Variants in MECOM observed in about 807,000 individuals in gnomAD.
MECOM encodes MDS1 and EVI1 complex locus, also known as histone-lysine N-methyltransferase MECOM.
A neutral mutation model predicts 116.3 loss-of-function variants in MECOM; 13 were observed. That is an observed-to-expected ratio of 0.11 (90% CI 0.07 to 0.18). The LOEUF (loss-of-function observed/expected upper bound fraction) is 0.18, where lower values mean the gene tolerates loss of function less well. Ranked by LOEUF, MECOM falls within the 10% of genes least tolerant of loss-of-function variation. MECOM has a pLI of 1.00. For synonymous variants in MECOM, 528 were observed against 535.2 expected, an observed-to-expected ratio of 0.99 and a Z score of 0.19; for missense variants, 1,299 against 1,509.0, an observed-to-expected ratio of 0.86 and a Z score of 2.31.
chr3:169,115,927 C>G lies in MECOM; in HGVS notation c.1945G>C (p.Glu649Gln). The G allele has an allele frequency of 6.2e-7, 1 of 1,614,106 alleles. No individual in the cohort carries two copies. The change falls in exon 8 of 17, where the codon GAG becomes CAG. Residue 649 changes from glutamate (E) to glutamine (Q), a missense_variant. Physicochemically the swap from Glu to Gln is conservative, Grantham distance 29. Transcript: ENST00000651503. ...SNHSIFSPSL[E>Q]EQTAVSGAVN... The stretch of plus-strand genomic sequence containing the variant: ...GCTCCTGACACCGCAGTCTGCTCCT[C>G]TAAAGATGGTGAGAAAATGGAATGA...
chr3:169,492,545 T>A (rs1457422433), intron 1 of MECOM, among the ~76,000 whole-genome samples: 1 of 152,118 alleles, frequency 6.6e-6, no homozygotes. Context: ...AGTCACAAAA[T>A]AATATTAAAG....
chr3:169,191,294 G>A (rs181477000), intron 2 of MECOM, among the ~76,000 whole-genome samples: 8 of 152,030 alleles, frequency 5.3e-5, no homozygotes, highest in Admixed American at 5.3e-4. Context: ...CTGCTGGTGG[G>A]TGCAGAAATA....
At chr3:169,480,343 A>C (rs1337149886) in intron 1 of MECOM, among the ~76,000 whole-genome samples, 1 of 135,688 alleles carries the variant, frequency 7.4e-6, no homozygotes, top group Non-Finnish European at 1.6e-5. Flanking sequence ...GTACTACTGG[A>C]GTACTTCCCA....
At chr3:169,520,301 G>A (rs762855925) in intron 1 of MECOM, among the ~76,000 whole-genome samples, 2 of 152,086 alleles carry the variant, frequency 1.3e-5, no homozygotes, top group African/African-American at 4.8e-5. Flanking sequence ...TTTGAATTGG[G>A]CATTTTTCTT....
chr3:169,459,205 G>A lies in MECOM; in HGVS notation c.38-77681C>T, dbSNP rs145459512. ...TGATGTTATAGTTGGATCCTAAACC[G>A]TAAACCTCAAACATAATTATTTTCT... is the stretch of plus-strand genomic sequence containing the variant. On this transcript the variant is annotated intron_variant, in intron 1 of 16. Transcript: ENST00000651503. 5.9e-5 allele frequency among the ~76,000 whole-genome samples: 9 copies of A among 152,298 alleles called. No individual in the cohort carries two copies. In the Middle Eastern group the frequency reaches 0.01, roughly 173 times the overall value.
At chr3:169,154,114 A>G (rs534361325) in intron 2 of MECOM, among the ~76,000 whole-genome samples, 3 of 152,100 alleles carry the variant, frequency 2.0e-5, no homozygotes, top group Non-Finnish European at 2.9e-5. Context: ...TCTGGCTTGC[A>G]GCTGAGTTTG....
chr3:169,544,149 A>C (rs534416278), intron 1 of MECOM, among the ~76,000 whole-genome samples: 3 of 152,308 alleles, frequency 2.0e-5, no homozygotes, highest in South Asian at 4.1e-4. Context: ...TTGATTGTAC[A>C]TAGTTTGACT....
At chr3:169,425,512 T>C (rs776744451) in intron 1 of MECOM, among the ~76,000 whole-genome samples, 52 of 152,188 alleles carry the variant, frequency 3.4e-4, no homozygotes, top group Non-Finnish European at 6.9e-4. Context: ...GACAACTCTA[T>C]GTAACATTTG....
At position 169,584,419 on chromosome 3, in the gene MECOM, G is replaced by T. The variant is rs548090956; in HGVS notation, c.37+78917C>A. On this transcript the variant is annotated intron_variant, in intron 1 of 16. Coordinates refer to ENST00000651503, the MANE Select transcript of MECOM (RefSeq NM_004991.4). The stretch of plus-strand genomic sequence containing the variant: ...TCTCTACTAAAAATACAAAAAATTA[G>T]CCGGGCGTGGTGGCGAGCGCCTGTA... 6.5e-4 allele frequency among the ~76,000 whole-genome samples: 99 copies of T among 151,720 alleles called. No homozygotes were observed. The Middle Eastern group carries it at 0.01, about 16-fold the overall frequency.
intron 1 of MECOM, among the ~76,000 whole-genome samples, chr3:169,522,390 C>T (rs1056644666): frequency 2.2e-4 from 33 of 152,230 alleles, no homozygotes; most frequent in African/African-American, 7.9e-4. Context: ...TTTTTGGAGG[C>T]ATGTGGAGTT....
chr3:169,476,623 TCACCTAAGCA>T (rs2108823519), intron 1 of MECOM, among the ~76,000 whole-genome samples: 1 of 152,252 alleles, frequency 6.6e-6, no homozygotes, highest in Non-Finnish European at 1.5e-5. Flanking sequence ...GTGTCGTTAG[TCACCTAAGCA>T]TGCCTCCCTT....
chr3:169,167,467 A>G (rs1233032801), intron 2 of MECOM, among the ~76,000 whole-genome samples: 2 of 152,218 alleles, frequency 1.3e-5, no homozygotes, highest in Admixed American at 6.5e-5. Flanking sequence ...AAGGTCCCGC[A>G]TGATGGAAGA....
intron 1 of MECOM, among the ~76,000 whole-genome samples, chr3:169,533,258 T>C (rs142276538): frequency 1.5e-3 from 230 of 152,272 alleles, no homozygotes; most frequent in African/African-American, 5.1e-3. Flanking sequence ...ATCAACTTTC[T>C]TTGTTTTATC....
At chr3:169,272,650 T>A (rs1759092492) in intron 2 of MECOM, among the ~76,000 whole-genome samples, 1 of 152,156 alleles carries the variant, frequency 6.6e-6, no homozygotes, top group Non-Finnish European at 1.5e-5. Context: ...TAGAAGCTGG[T>A]GTGGATGACG....
chr3:169,344,905 T>C (rs894470126), intron 2 of MECOM, among the ~76,000 whole-genome samples: 1 of 152,138 alleles, frequency 6.6e-6, no homozygotes, highest in Admixed American at 6.6e-5. Flanking sequence ...AGACATCACA[T>C]AGTTTGCTAC....
At chr3:169,460,136 C>T (rs9850919) in intron 1 of MECOM, among the ~76,000 whole-genome samples, 104,752 of 151,878 alleles carry the variant, frequency 0.69, 37,109 homozygotes, top group African/African-American at 0.86. Context: ...CACGTCCTCA[C>T]TGGGAACACT....
intron 1 of MECOM, among the ~76,000 whole-genome samples, chr3:169,444,254 C>A (rs59516574): frequency 0.016 from 2,474 of 152,214 alleles, 70 homozygotes; most frequent in African/African-American, 0.057. Context: ...CCATCCTTCT[C>A]GTCACAGATT....
At chr3:169,467,514 A>G (rs1444269077) in intron 1 of MECOM, among the ~76,000 whole-genome samples, 3 of 150,032 alleles carry the variant, frequency 2.0e-5, no homozygotes, top group African/African-American at 4.9e-5. Flanking sequence ...TCTCTATTTT[A>G]TAGGTGAAGA....
At chr3:169,428,031 A>G (rs1047058883) in intron 1 of MECOM, among the ~76,000 whole-genome samples, 1 of 152,174 alleles carries the variant, frequency 6.6e-6, no homozygotes, top group African/African-American at 2.4e-5. Flanking sequence ...CACAGAGAAA[A>G]GGCCATGTCC....
Sources: allele counts gnomAD v4.1 joint callset (sites outside exome capture counted in the v4.1 genomes callset), GRCh38; gene constraint gnomAD v4.1.1; transcripts MANE v1.5; gene names NCBI Gene and HGNC (gene_info 2026-07-23, HGNC 2026-07-21).